The following PUM2 variants were observed in gnomAD, a reference collection of about 807,000 sequenced individuals.
PUM2 encodes pumilio RNA binding family member 2.
In PUM2, 57 loss-of-function variants were observed where a neutral mutation model predicts 124.5. The ratio of observed to expected loss-of-function variants is 0.46; its 90% confidence interval spans 0.37 to 0.57. PUM2 has a LOEUF of 0.57. Ranked by LOEUF, PUM2 falls within the 20% of genes least tolerant of loss-of-function variation. PUM2 has a pLI of 0.00. For missense variants in PUM2, 1,065 were observed against 1,290.6 expected (o/e 0.83, Z 2.68); for synonymous variants, 460 against 446.1 (o/e 1.03, Z -0.39).
intron 10 of PUM2, among the ~76,000 whole-genome samples, chr2:20,285,357 T>C (rs1672488015): frequency 6.6e-6 from 1 of 152,200 alleles, no homozygotes; most frequent in Admixed American, 6.5e-5. Context: ...TATAAAAAGA[T>C]ATCAATCCAC....
upstream of PUM2, among the ~76,000 whole-genome samples, chr2:20,351,152 C>G (rs1348175175): frequency 2.0e-5 from 3 of 152,174 alleles, no homozygotes; most frequent in African/African-American, 7.2e-5. Context: ...CGTGGGGCCT[C>G]GCCTTCTGAA....
At chr2:20,303,018 G>C (rs184825638) in intron 7 of PUM2, among the ~76,000 whole-genome samples, 1 of 152,070 alleles carries the variant, frequency 6.6e-6, no homozygotes, top group Non-Finnish European at 1.5e-5. Flanking sequence ...GGACTTCCCA[G>C]GCCTCCCCTT....
At chr2:20,345,035 A>G (rs112427159) in intron 1 of PUM2, among the ~76,000 whole-genome samples, 137 of 149,654 alleles carry the variant, frequency 9.2e-4, no homozygotes, top group African/African-American at 3.2e-3. Context: ...CCTCTTGTGG[A>G]AAGCTTTTCC....
At chr2:20,331,149 C>A (rs755138943) in intron 1 of PUM2, among the ~76,000 whole-genome samples, 1 of 149,470 alleles carries the variant, frequency 6.7e-6, no homozygotes, top group Non-Finnish European at 1.5e-5. Flanking sequence ...AAAAACCACA[C>A]GCGTTGTTTG....
At chr2:20,329,131 G>A (rs1194149059) in intron 1 of PUM2, among the ~76,000 whole-genome samples, 1 of 146,650 alleles carries the variant, frequency 6.8e-6, no homozygotes, top group Non-Finnish European at 1.5e-5. Flanking sequence ...CCATGATTGT[G>A]CCATTGCACT....
chr2:20,308,624 A>C (rs1046326010), intron 5 of PUM2, 40 bp from the exon 6 acceptor site: 2 of 1,534,674 alleles, frequency 1.3e-6, no homozygotes, highest in African/African-American at 2.8e-5. Flanking sequence ...AATAAAAGTA[A>C]CAAGTCAAAT....
At chr2:20,324,522 T>C (rs943340150) in intron 2 of PUM2, among the ~76,000 whole-genome samples, 1 of 152,180 alleles carries the variant, frequency 6.6e-6, no homozygotes, top group Non-Finnish European at 1.5e-5. Context: ...AACCCAGCTA[T>C]ATGTGCCCCA....
chr2:20,318,702 T>C, intron 2 of PUM2, 57 bp from the exon 3 acceptor site: 1 of 1,272,402 alleles, frequency 7.9e-7, no homozygotes, highest in Non-Finnish European at 1.1e-6. Flanking sequence ...AATTAATATA[T>C]AAGAAGTCTC....
intron 7 of PUM2, among the ~76,000 whole-genome samples, chr2:20,304,815 CATTTTGCAAT>C (rs773186185): frequency 5.3e-5 from 8 of 152,166 alleles, no homozygotes; most frequent in Non-Finnish European, 1.0e-4. Context: ...ATATTGACTA[CATTTTGCAAT>C]ATTTTGGATA....
intron 2 of PUM2, among the ~76,000 whole-genome samples, chr2:20,325,671 G>C (rs1683511983): frequency 6.7e-6 from 1 of 149,610 alleles, no homozygotes; most frequent in East Asian, 2.0e-4. Context: ...CCCCAGGCCA[G>C]AGAGCAGTGG....
At chr2:20,256,335 T>C (rs982361344) in intron 16 of PUM2, among the ~76,000 whole-genome samples, 165 bp from the exon 17 acceptor site, 2 of 152,232 alleles carry the variant, frequency 1.3e-5, no homozygotes, top group South Asian at 4.1e-4. Context: ...TATTATTTCC[T>C]GTTTGTCAAG....
intron 1 of PUM2, among the ~76,000 whole-genome samples, chr2:20,330,878 AG>A (rs1684763885): frequency 6.6e-6 from 1 of 152,200 alleles, no homozygotes; most frequent in Non-Finnish European, 1.5e-5. Flanking sequence ...TGCTCTCTCC[AG>A]GGAGATAGGG....
At chr2:20,310,205 A>T (rs1401944986) in intron 5 of PUM2, among the ~76,000 whole-genome samples, 1 of 152,114 alleles carries the variant, frequency 6.6e-6, no homozygotes, top group Non-Finnish European at 1.5e-5. Flanking sequence ...ACTGTCAAGT[A>T]GTAACTAATA....
chr2:20,261,855 A>G (rs1666379092), intron 14 of PUM2, among the ~76,000 whole-genome samples: 1 of 151,630 alleles, frequency 6.6e-6, no homozygotes, highest in Admixed American at 6.6e-5. Context: ...ACAAGTCAGT[A>G]AGTTAAAAAA....
intron 7 of PUM2, among the ~76,000 whole-genome samples, chr2:20,305,456 T>C (rs1213215164): frequency 9.7e-6 from 1 of 103,574 alleles, no homozygotes. Context: ...AGTAAGACCC[T>C]GTCTTCGAAA....
At chr2:20,321,286 A>AAAAAAAG (rs1382846840) in intron 2 of PUM2, among the ~76,000 whole-genome samples, 1 of 152,134 alleles carries the variant, frequency 6.6e-6, no homozygotes, top group Non-Finnish European at 1.5e-5. Context: ...ACTCTGTCTC[A>AAAAAAAG]AAAAAAGAAA....
In PUM2 at chr2:20,271,023, C is replaced by A. The variant is rs551041301; in HGVS notation, c.1957+7560G>T. ...TGAAATAAGACAAGAACATTACAATCATTATATTGTAACTGCTGTTTTTAT... is the reference window on the plus strand; with the variant it reads ...TGAAATAAGACAAGAACATTACAATAATTATATTGTAACTGCTGTTTTTAT... On this transcript the variant is annotated intron_variant, in intron 13 of 20. Transcript: ENST00000361078. 1.1e-3 allele frequency among the ~76,000 whole-genome samples: 174 copies of A among 152,154 alleles called. 2 individuals are homozygous for A. The highest frequency in any genetic ancestry group is 2.2e-3 in the Non-Finnish European group (152 of 68,000).
chr2:20,311,473 T>C, intron 5 of PUM2, 21 bp downstream of exon 5: 1 of 1,591,260 alleles, frequency 6.3e-7, no homozygotes. Flanking sequence ...GCTTTTCTTC[T>C]TGAGAAAGTT....
chr2:20,293,017 G>A (rs569194429), intron 9 of PUM2, among the ~76,000 whole-genome samples: 16 of 152,174 alleles, frequency 1.1e-4, no homozygotes, highest in South Asian at 4.1e-4. Flanking sequence ...AATTTGTTAC[G>A]AGACTGATGC....
Sources: gnomAD v4.1 joint callset for allele counts (sites outside exome capture counted in the v4.1 genomes callset) on GRCh38, gnomAD v4.1.1 for gene constraint, MANE v1.5 for transcripts, NCBI Gene and HGNC (gene_info 2026-07-23, HGNC 2026-07-21) for gene names.